TCF12: variants seen among roughly 807,000 people sequenced by gnomAD.
TCF12 encodes the protein DNA-binding protein HTF4.
TCF12 carries 45 observed loss-of-function variants against 86.0 expected under a neutral mutation model. The ratio of observed to expected loss-of-function variants is 0.52; its 90% CI spans 0.41 to 0.67. TCF12 has a LOEUF of 0.67. Among genes scored for constraint, TCF12 ranks in the 30% least tolerant of loss-of-function variants. The pLI is 0.00. For synonymous variants in TCF12, 330 were observed against 299.6 expected (o/e 1.10, Z -1.05); for missense variants, 881 against 859.9 (o/e 1.02, Z -0.31).
intron 19 of TCF12, among the ~76,000 whole-genome samples, chr15:57,280,996 T>A (rs1037901010): frequency 1.3e-5 from 2 of 152,138 alleles, no homozygotes; most frequent in African/African-American, 2.4e-5. Flanking sequence ...ACTCATTTTT[T>A]AAAAAATCCA....
intron 8 of TCF12, chr15:57,214,545 AT>A (rs1166670471): frequency 2.0e-5 from 3 of 152,178 alleles, no homozygotes; most frequent in Non-Finnish European, 2.9e-5. Context: ...ATCATTAAGC[AT>A]TTCTAAAACT....
chr15:57,225,081 T>G (rs180895330), intron 8 of TCF12, among the ~76,000 whole-genome samples: 78 of 152,200 alleles, frequency 5.1e-4, no homozygotes, highest in South Asian at 2.1e-3. Flanking sequence ...AGACTATCAT[T>G]TTAATATTTA....
intron 4 of TCF12, among the ~76,000 whole-genome samples, chr15:57,082,432 A>C (rs981640012): frequency 2.6e-5 from 4 of 152,186 alleles, no homozygotes; most frequent in African/African-American, 9.7e-5. Flanking sequence ...ACTTAAGATG[A>C]ACCGAAGAGG....
chr15:57,146,767 G>A (rs2053392318), intron 5 of TCF12, among the ~76,000 whole-genome samples: 1 of 152,084 alleles, frequency 6.6e-6, no homozygotes, highest in African/African-American at 2.4e-5. Flanking sequence ...CAAATCAAAT[G>A]TGCTCTTAGC....
chr15:57,113,163 C>T (rs1172099754), intron 5 of TCF12, among the ~76,000 whole-genome samples: 1 of 152,040 alleles, frequency 6.6e-6, no homozygotes, highest in East Asian at 1.9e-4. Flanking sequence ...TGGCCATATC[C>T]CCGTGACTCC....
intron 18 of TCF12, among the ~76,000 whole-genome samples, chr15:57,265,120 TAGTATAGTATAGTATAAA>T (rs1438260361): frequency 1.5e-4 from 19 of 128,136 alleles, no homozygotes; most frequent in Non-Finnish European, 3.2e-4. Flanking sequence ...TAGTATAGTA[TAGTATAGTATAGTATAAA>T]TACATAAACC....
chr15:57,089,444 C>CA (rs1316837316), intron 4 of TCF12, among the ~76,000 whole-genome samples: 1 of 151,936 alleles, frequency 6.6e-6, no homozygotes, highest in Non-Finnish European at 1.5e-5. Context: ...GTGGGAACAG[C>CA]AAAAAAGTTA....
chr15:57,152,300 C>G (rs2053820053), intron 5 of TCF12, among the ~76,000 whole-genome samples: 2 of 152,154 alleles, frequency 1.3e-5, no homozygotes, highest in Admixed American at 6.6e-5. Context: ...CAAATACTTT[C>G]AAGAGGCAAA....
chr15:57,175,496 A>T (rs2055845783), intron 6 of TCF12, among the ~76,000 whole-genome samples: 1 of 152,180 alleles, frequency 6.6e-6, no homozygotes, highest in Admixed American at 6.5e-5. Context: ...TAATGTCAAG[A>T]ACAAGATCAT....
At chr15:57,270,332 C>G (rs1334948931) in intron 18 of TCF12, among the ~76,000 whole-genome samples, 1 of 152,152 alleles carries the variant, frequency 6.6e-6, no homozygotes, top group Non-Finnish European at 1.5e-5. Flanking sequence ...GATATCCTTT[C>G]CTCTGCTTGA....
At chr15:56,984,936 T>C in intron 3 of TCF12, among the ~76,000 whole-genome samples, 1 of 152,226 alleles carries the variant, frequency 6.6e-6, no homozygotes, top group East Asian at 1.9e-4. Flanking sequence ...ACTGAGGCTG[T>C]AATGTTGCTT....
At chr15:57,135,645 A>G (rs1417879266) in intron 5 of TCF12, among the ~76,000 whole-genome samples, 1 of 152,214 alleles carries the variant, frequency 6.6e-6, no homozygotes, top group Non-Finnish European at 1.5e-5. Context: ...AAAGCTTTTT[A>G]AAAAAGTATC....
intron 3 of TCF12, among the ~76,000 whole-genome samples, chr15:57,028,945 GCGCCA>G (rs1268894653): frequency 1.3e-5 from 2 of 151,892 alleles, no homozygotes; most frequent in African/African-American, 4.8e-5. Flanking sequence ...TTACAGGTGT[GCGCCA>G]CCATGCCCAG....
At chr15:57,263,464 A>C (rs2060685274) in intron 18 of TCF12, among the ~76,000 whole-genome samples, 190 bp downstream of exon 18, 1 of 152,234 alleles carries the variant, frequency 6.6e-6, no homozygotes, top group South Asian at 2.1e-4. Context: ...GTTTGATTTC[A>C]AAATTATGTT....
intron 3 of TCF12, among the ~76,000 whole-genome samples, chr15:57,037,882 C>T (rs1280305605): frequency 6.6e-6 from 1 of 152,116 alleles, no homozygotes; most frequent in African/African-American, 2.4e-5. Context: ...AAAACACATA[C>T]GTTTATTGAA....
At chr15:57,153,655 T>C (rs2151471378) in intron 5 of TCF12, among the ~76,000 whole-genome samples, 2 of 152,290 alleles carry the variant, frequency 1.3e-5, no homozygotes, top group East Asian at 3.9e-4. Context: ...TATTGTAAAC[T>C]GAGGGCAATC....
intron 3 of TCF12, among the ~76,000 whole-genome samples, chr15:56,950,803 T>C (rs1248960734): frequency 7.2e-6 from 1 of 139,150 alleles, no homozygotes; most frequent in African/African-American, 2.7e-5. Context: ...ATTGCCCAGA[T>C]TGGAGTGCAA....
chr15:57,022,047 C>CT (rs532439352), intron 3 of TCF12, among the ~76,000 whole-genome samples: 4 of 148,870 alleles, frequency 2.7e-5, no homozygotes, highest in African/African-American at 1.0e-4. Context: ...CAGATCTTTT[C>CT]TTTTTTTTAT....
At chr15:57,051,838 C>T (rs986737934) in intron 3 of TCF12, among the ~76,000 whole-genome samples, 4 of 152,168 alleles carry the variant, frequency 2.6e-5, no homozygotes, top group African/African-American at 9.7e-5. Context: ...AGATCAGCAT[C>T]CAATTTCATT....
Sources: gnomAD v4.1 joint callset for allele counts (sites outside exome capture counted in the v4.1 genomes callset) on GRCh38, gnomAD v4.1.1 for gene constraint, MANE v1.5 for transcripts, NCBI Gene and HGNC (gene_info 2026-07-23, HGNC 2026-07-21) for gene names.